The following SLC7A7 variants were observed in gnomAD, a reference collection of about 807,000 sequenced individuals.
SLC7A7 encodes the protein Y+L amino acid transporter 1.
Under a neutral mutation model 47.9 loss-of-function variants are expected in SLC7A7, and 39 were observed. The ratio of observed to expected loss-of-function variants is 0.81; its 90% CI spans 0.63 to 1.06. The LOEUF is 1.06. Ranked by LOEUF, SLC7A7 falls within the 50% of genes least tolerant of loss-of-function variation. The probability of loss-of-function intolerance (pLI) is 0.00; values close to 1 mark genes in which losing one functional copy is unlikely to be tolerated. For missense variants in SLC7A7, 588 were observed against 632.0 expected, an observed-to-expected ratio of 0.93 and a Z score of 0.75; for synonymous variants, 234 against 242.8, an observed-to-expected ratio of 0.96 and a Z score of 0.34.
intron 4 of SLC7A7, among the ~76,000 whole-genome samples, chr14:22,777,664 G>A (rs1280054692): frequency 6.6e-6 from 1 of 152,210 alleles, no homozygotes; most frequent in Non-Finnish European, 1.5e-5. Context: ...CCTTGATCCT[G>A]CTTCTGTTAT....
intron 7 of SLC7A7, among the ~76,000 whole-genome samples, chr14:22,774,739 C>T (rs1409707895): frequency 2.0e-5 from 3 of 152,096 alleles, no homozygotes; most frequent in Non-Finnish European, 4.4e-5. Flanking sequence ...AAAGCAAGCT[C>T]GAAACAATCC....
intron 2 of SLC7A7, among the ~76,000 whole-genome samples, chr14:22,792,537 C>G (rs112149634): frequency 2.0e-5 from 3 of 152,148 alleles, no homozygotes; most frequent in African/African-American, 7.2e-5. Context: ...GGCAACAAAG[C>G]AAGACTTCGT....
At chr14:22,814,780 G>A (rs1194718324) in intron 1 of SLC7A7, 1 of 156,864 alleles carries the variant, frequency 6.4e-6, no homozygotes, top group Non-Finnish European at 1.4e-5. Context: ...AAAGGCTTCA[G>A]AAACCTGCTG....
chr14:22,782,880 A>C (rs1488808184), intron 2 of SLC7A7, among the ~76,000 whole-genome samples: 1 of 151,856 alleles, frequency 6.6e-6, no homozygotes, highest in East Asian at 1.9e-4. Flanking sequence ...CTCCCAGCTC[A>C]GCCACCCTAG....
rs2038600140 is a variant in SLC7A7, at chr14:22,776,098, C to T, written c.894+97G>A. On this transcript the variant is annotated intron_variant, in intron 5 of 9. Coordinates refer to ENST00000674313, the MANE Select transcript of SLC7A7 (RefSeq NM_003982.4). ...CCCGGTATTCTAAATGAACTCCTTT[C>T]AAGGCTGTCTACCCCCTTTCCAGGA... 4.5e-6 allele frequency: 7 copies of T among 1,562,246 alleles called. No individual in the cohort carries two copies. The South Asian group carries it at 7.8e-5, about 17-fold the overall frequency.
intron 6 of SLC7A7, 111 bp from the exon 7 acceptor site, chr14:22,775,651 G>T (rs1440161768): frequency 2.0e-6 from 2 of 1,005,108 alleles, no homozygotes; most frequent in Non-Finnish European, 3.2e-6. Context: ...AAAGTATTTG[G>T]ATAATATGGA....
chr14:22,805,006 T>TCAAAAAA (rs919602145), intron 2 of SLC7A7, among the ~76,000 whole-genome samples: 1 of 151,568 alleles, frequency 6.6e-6, no homozygotes, highest in African/African-American at 2.4e-5. Flanking sequence ...AAACTTCGTC[T>TCAAAAAA]CAAAAAACAA....
chr14:22,790,857 G>T (rs1261010467), intron 2 of SLC7A7, among the ~76,000 whole-genome samples: 2 of 152,030 alleles, frequency 1.3e-5, no homozygotes, highest in Non-Finnish European at 2.9e-5. Context: ...AATTAGCTGG[G>T]TGTGGTGGTG....
In SLC7A7 at chr14:22,775,411, C is replaced by G. The variant is rs568001318; in HGVS notation, c.1095+33G>C. 9.6e-6 allele frequency: 15 copies of G among 1,560,034 alleles called. No individual in the cohort carries two copies. The South Asian group carries it at 1.2e-4, about 13-fold the overall frequency. ...CTGTTACTAAAGTTTCCCCCGCAAT[C>G]TGGCTTTCAGTCTCATCCTTGAGTT... On this transcript the variant is annotated intron_variant, in intron 7 of 9. Transcript: ENST00000674313.
At chr14:22,797,066 T>A (rs1412519612) in intron 2 of SLC7A7, among the ~76,000 whole-genome samples, 1 of 152,226 alleles carries the variant, frequency 6.6e-6, no homozygotes, top group African/African-American at 2.4e-5. Context: ...TATCTTCTAA[T>A]TTAATCTGAC....
intron 2 of SLC7A7, among the ~76,000 whole-genome samples, chr14:22,809,411 G>A (rs2039265664): frequency 6.7e-6 from 1 of 149,442 alleles, no homozygotes; most frequent in South Asian, 2.1e-4. Flanking sequence ...CGCGATCTCT[G>A]CTCACTGCAA....
chr14:22,787,027 T>C (rs1376139603), intron 2 of SLC7A7, among the ~76,000 whole-genome samples: 2 of 152,238 alleles, frequency 1.3e-5, no homozygotes, highest in Admixed American at 6.5e-5. Flanking sequence ...ATTATTCTTA[T>C]ATGATATGGG....
chr14:22,775,983 G>A lies in SLC7A7; in HGVS notation c.895-47C>T, dbSNP rs1566440503. On this transcript the variant is annotated intron_variant, in intron 5 of 9. Transcript: ENST00000674313. Reference sequence around the variant, plus strand: ...GTCATTAGCAGGATCTAAAAGGGATGAAAGACATGGATGGGCATGCCCCCA... The same window carrying A: ...GTCATTAGCAGGATCTAAAAGGGATAAAAGACATGGATGGGCATGCCCCCA... The A allele has an allele frequency of 2.7e-6, 4 of 1,509,066 alleles. No homozygotes were observed. In the South Asian group the frequency reaches 4.5e-5, roughly 17 times the overall value. The allele number at this position is 1,509,066 out of a possible 1,614,324, so 93.5% of individuals were successfully genotyped here. A position where few individuals can be genotyped will look rare whatever the true frequency, so the allele number is the denominator to read the frequency against.
chr14:22,786,938 A>G (rs898534831), intron 2 of SLC7A7, among the ~76,000 whole-genome samples: 12 of 152,198 alleles, frequency 7.9e-5, no homozygotes, highest in South Asian at 4.1e-4. Context: ...CCTTTCTCCA[A>G]AACAAAAAAA....
Position 22,774,496 on chromosome 14 carries a change from A to T in SLC7A7, c.1103T>A (p.Met368Lys), listed in dbSNP as rs763239348. The T allele has an allele frequency of 7.4e-6, 12 of 1,614,066 alleles. No individual in the cohort carries two copies. The highest frequency in any genetic ancestry group is 1.0e-5 in the Non-Finnish European group (12 of 1,180,042). Residue 368 changes from methionine to lysine, a missense_variant, in exon 8 of 10, where the codon ATG becomes AAG. Met to Lys is a moderately conservative substitution (Grantham distance 95). Coordinates refer to ENST00000674313, the MANE Select transcript of SLC7A7 (RefSeq NM_003982.4). ...TTCCACGCACAAGTAGATCAATGCCATGATACCCTGTAAGCGTGAGCCTAA... is the reference window on the plus strand; with the variant it reads ...TTCCACGCACAAGTAGATCAATGCCTTGATACCCTGTAAGCGTGAGCCTAA... Reference protein sequence around the residue: ...PVPSLLFNGIMALIYLCVEDI... With the variant: ...PVPSLLFNGIKALIYLCVEDI...
rs549245332 is a variant in SLC7A7, at chr14:22,805,383, C to T, written c.499+7517G>A. On this transcript the variant is annotated intron_variant, in intron 2 of 9. Coordinates refer to ENST00000674313, the MANE Select transcript of SLC7A7 (RefSeq NM_003982.4). ...CAGTCTCAAAAGAAAAAGAAAGGTA[C>T]GGCAAGTAAGAAAATGTGGTACATA... is the stretch of plus-strand genomic sequence containing the variant. Among the ~76,000 whole-genome samples the T allele has an allele frequency of 9.2e-5, 14 of 151,988 alleles. No homozygotes were observed. In the South Asian group the frequency reaches 1.2e-3, roughly 14 times the overall value.
intron 2 of SLC7A7, among the ~76,000 whole-genome samples, chr14:22,806,046 C>T (rs145090540): frequency 0.029 from 4,041 of 138,236 alleles, 79 homozygotes; most frequent in Non-Finnish European, 0.047. Flanking sequence ...GAGGCTGAGG[C>T]AGGAGAATCG....
chr14:22,775,621 C>T, intron 6 of SLC7A7, 81 bp from the exon 7 acceptor site: 1 of 1,166,538 alleles, frequency 8.6e-7, no homozygotes, highest in Non-Finnish European at 1.3e-6. Flanking sequence ...GGCCCTCCCT[C>T]TCTGCCATCC....
chr14:22,793,215 C>A (rs35197287), intron 2 of SLC7A7, among the ~76,000 whole-genome samples: 56,070 of 151,920 alleles, frequency 0.37, 12,060 homozygotes, highest in Non-Finnish European at 0.47. Flanking sequence ...CCACGCCCAG[C>A]CAATTAAAAT....
Sources: allele counts gnomAD v4.1 joint callset (sites outside exome capture counted in the v4.1 genomes callset), GRCh38; gene constraint gnomAD v4.1.1; transcripts MANE v1.5; gene names NCBI Gene and HGNC (gene_info 2026-07-23, HGNC 2026-07-21).